Variants in TPD52 observed in about 807,000 individuals in gnomAD.
TPD52 encodes tumor protein D52.
In TPD52, 17 loss-of-function variants were observed where a neutral mutation model predicts 31.3. The observed-to-expected ratio is 0.54, with a 90% CI of 0.37 to 0.82. The LOEUF (loss-of-function observed/expected upper bound fraction) is 0.82, where lower values mean the gene tolerates loss of function less well. Ranked by LOEUF, TPD52 falls within the 40% of genes least tolerant of loss-of-function variation. The pLI, the probability that TPD52 is intolerant of heterozygous loss-of-function variation, is 0.00. For synonymous variants in TPD52, 83 were observed against 89.6 expected, an observed-to-expected ratio of 0.93 and a Z score of 0.42; for missense variants, 212 against 240.1, an observed-to-expected ratio of 0.88 and a Z score of 0.77.
intron 1 of TPD52, among the ~76,000 whole-genome samples, chr8:80,112,020 A>G (rs754212238): frequency 4.6e-5 from 7 of 152,238 alleles, no homozygotes; most frequent in Non-Finnish European, 1.0e-4. Context: ...TAACTAAGTC[A>G]CCATACCTGA....
At chr8:80,160,889 C>CAAAAAAAAAAAAAAAAA (rs58923055) in intron 1 of TPD52, among the ~76,000 whole-genome samples, 6 of 95,040 alleles carry the variant, frequency 6.3e-5, no homozygotes, top group African/African-American at 2.2e-4. Context: ...ACTAAAAATA[C>CAAAAAAAAAAAAAAAAA]AAAAAAAAAA....
At chr8:80,150,106 G>A (rs965825381) in intron 1 of TPD52, among the ~76,000 whole-genome samples, 5 of 152,192 alleles carry the variant, frequency 3.3e-5, no homozygotes, top group African/African-American at 4.8e-5. Context: ...GTGCAGCCTA[G>A]GGACTTGGTG....
At chr8:80,053,198 CCT>C (rs1265836604) in intron 3 of TPD52, 82 bp downstream of exon 3, 3 of 1,451,554 alleles carry the variant, frequency 2.1e-6, no homozygotes, top group Non-Finnish European at 2.8e-6. Context: ...GCATCCTTAT[CCT>C]CTTTTTCTTC....
At chr8:80,046,836 C>T (rs1429641410) in intron 5 of TPD52, among the ~76,000 whole-genome samples, 1 of 152,036 alleles carries the variant, frequency 6.6e-6, no homozygotes, top group African/African-American at 2.4e-5. Context: ...TTTAAAACAG[C>T]TGAATTGATT....
At chr8:80,149,838 C>G (rs944736849) in intron 1 of TPD52, among the ~76,000 whole-genome samples, 2 of 152,066 alleles carry the variant, frequency 1.3e-5, no homozygotes, top group African/African-American at 2.4e-5. Flanking sequence ...TGGCAAAGCA[C>G]TCAAGAGGAA....
At chr8:80,125,332 C>T (rs1410557501) in intron 1 of TPD52, among the ~76,000 whole-genome samples, 3 of 152,090 alleles carry the variant, frequency 2.0e-5, no homozygotes, top group Non-Finnish European at 2.9e-5. Flanking sequence ...TAAAGTTAGC[C>T]AGGTGTGGTG....
At chr8:80,098,774 TCTA>T (rs905545099) in intron 1 of TPD52, among the ~76,000 whole-genome samples, 5 of 152,364 alleles carry the variant, frequency 3.3e-5, no homozygotes, top group African/African-American at 1.2e-4. Flanking sequence ...TGAAAGAAGT[TCTA>T]CTGTGGGTAA....
At chr8:80,050,197 A>G (rs961287272) in intron 5 of TPD52, 9 of 374,968 alleles carry the variant, frequency 2.4e-5, no homozygotes, top group Admixed American at 1.4e-4. Flanking sequence ...AGTAAAAAAG[A>G]AATGTCAAAA....
intron 1 of TPD52, among the ~76,000 whole-genome samples, chr8:80,077,043 G>A (rs185099189): frequency 0.019 from 2,956 of 152,110 alleles, 39 homozygotes; most frequent in Non-Finnish European, 0.029. Flanking sequence ...TTGGGAGGCC[G>A]AGGCAGGCGG....
intron 1 of TPD52, among the ~76,000 whole-genome samples, chr8:80,118,647 A>G (rs1201121014): frequency 6.6e-6 from 1 of 152,234 alleles, no homozygotes; most frequent in Admixed American, 6.5e-5. Flanking sequence ...CAAAGAAGAC[A>G]TACACATGGT....
At chr8:80,155,953 C>A (rs1810942032) in intron 1 of TPD52, among the ~76,000 whole-genome samples, 1 of 151,846 alleles carries the variant, frequency 6.6e-6, no homozygotes, top group Non-Finnish European at 1.5e-5. Context: ...GGAGATGATG[C>A]ATTTGTTTGG....
At chr8:80,155,610 G>A (rs754168033) in intron 1 of TPD52, among the ~76,000 whole-genome samples, 17 of 152,300 alleles carry the variant, frequency 1.1e-4, no homozygotes, top group Middle Eastern at 3.4e-3. Flanking sequence ...AGGGCCAGGC[G>A]CGGTGGCTCA....
chr8:80,141,181 C>T (rs562147010), intron 1 of TPD52, among the ~76,000 whole-genome samples: 1 of 152,254 alleles, frequency 6.6e-6, no homozygotes, highest in South Asian at 2.1e-4. Flanking sequence ...CACGACACAT[C>T]AGCCTCACCT....
At chr8:80,106,307 T>C (rs958832120) in intron 1 of TPD52, among the ~76,000 whole-genome samples, 9 of 152,198 alleles carry the variant, frequency 5.9e-5, no homozygotes, top group African/African-American at 1.9e-4. Context: ...TCGTTGACTG[T>C]AGTCACCCTG....
At chr8:80,045,971 G>T (rs1005686989) in intron 5 of TPD52, among the ~76,000 whole-genome samples, 1 of 152,174 alleles carries the variant, frequency 6.6e-6, no homozygotes, top group Non-Finnish European at 1.5e-5. Context: ...GAATTTGGTA[G>T]TATCAACAAA....
intron 1 of TPD52, among the ~76,000 whole-genome samples, chr8:80,131,202 A>C (rs896197973): frequency 6.6e-6 from 1 of 152,202 alleles, no homozygotes; most frequent in Non-Finnish European, 1.5e-5. Context: ...AAAAATCAGC[A>C]AAGACAACTC....
At chr8:80,063,375 G>A (rs1365265567) in intron 2 of TPD52, among the ~76,000 whole-genome samples, 1 of 152,196 alleles carries the variant, frequency 6.6e-6, no homozygotes, top group Non-Finnish European at 1.5e-5. Flanking sequence ...AGCAAATTAG[G>A]TATTGCCAGG....
chr8:80,102,474 C>A (rs1045251582), intron 1 of TPD52, among the ~76,000 whole-genome samples: 1 of 152,168 alleles, frequency 6.6e-6, no homozygotes, highest in Admixed American at 6.5e-5. Flanking sequence ...ACAGACTAAA[C>A]CTGGTAACAT....
chr8:80,068,498 ATGAG>A (rs1249890538), intron 1 of TPD52, among the ~76,000 whole-genome samples: 1 of 152,216 alleles, frequency 6.6e-6, no homozygotes, highest in Non-Finnish European at 1.5e-5. Context: ...GTGACTGAAA[ATGAG>A]TGATAATTTC....
Sources: gnomAD v4.1 joint callset for allele counts (sites outside exome capture counted in the v4.1 genomes callset) on GRCh38, gnomAD v4.1.1 for gene constraint, MANE v1.5 for transcripts, NCBI Gene and HGNC (gene_info 2026-07-23, HGNC 2026-07-21) for gene names.